Variants in OPA1 observed in about 807,000 individuals in gnomAD.
OPA1 encodes the protein OPA1 mitochondrial dynamin like GTPase, also known as dynamin-like GTPase OPA1, mitochondrial.
Under a neutral mutation model 152.9 loss-of-function variants are expected in OPA1, and 59 were observed. The observed-to-expected ratio is 0.39, with a 90% CI of 0.31 to 0.48. The LOEUF (loss-of-function observed/expected upper bound fraction) is 0.48, where lower values mean the gene tolerates loss of function less well. Ranked by LOEUF, OPA1 falls within the 20% of genes least tolerant of loss-of-function variation. OPA1 has a pLI of 0.96. For synonymous variants in OPA1, 400 were observed against 389.9 expected, an observed-to-expected ratio of 1.03 and a Z score of -0.31; for missense variants, 1,008 against 1,216.8, an observed-to-expected ratio of 0.83 and a Z score of 2.55.
intron 1 of OPA1, among the ~76,000 whole-genome samples, chr3:193,601,191 A>G (rs1232807145): frequency 6.6e-6 from 1 of 152,136 alleles, no homozygotes; most frequent in Non-Finnish European, 1.5e-5. Flanking sequence ...ATTCCGTACA[A>G]ATGGTACTTC....
intron 29 of OPA1, among the ~76,000 whole-genome samples, chr3:193,684,660 A>C (rs1314345496): frequency 6.6e-6 from 1 of 151,994 alleles, no homozygotes; most frequent in Non-Finnish European, 1.5e-5. Flanking sequence ...CATGTTGGCC[A>C]GGGTGATCTT....
chr3:193,606,821 A>C (rs1356076629), intron 1 of OPA1, among the ~76,000 whole-genome samples: 1 of 152,194 alleles, frequency 6.6e-6, no homozygotes, highest in Admixed American at 6.5e-5. Flanking sequence ...TTCTAGTTCT[A>C]GATCCCTGAG....
At chr3:193,660,079 AT>A (rs1226912043) in intron 25 of OPA1, among the ~76,000 whole-genome samples, 3 of 152,140 alleles carry the variant, frequency 2.0e-5, no homozygotes, top group African/African-American at 7.2e-5. Context: ...AGCCTGGGAG[AT>A]CGAAGCTGCA....
At position 193,668,758 on chromosome 3, in the gene OPA1, G is replaced by T. The variant is rs1469187941; in HGVS notation, c.2983+1478G>T. ...CTTCCCCTTCCCACCCCCCTAGCTT[G>T]GCCCTACTAATAATCACTTTGTCAC... On this transcript the variant is annotated intron_variant, in intron 29 of 30. Coordinates refer to ENST00000361510, the MANE Select transcript of OPA1 (RefSeq NM_130837.3). The T allele has an allele frequency of 4.0e-6, 5 of 1,245,194 alleles. No homozygotes were observed. The Admixed American group carries it at 1.7e-4, about 43-fold the overall frequency. The allele number at this position is 1,245,194 out of a possible 1,614,324, so 77.1% of individuals were successfully genotyped here.
chr3:193,612,972 C>T (rs983396594), intron 1 of OPA1, among the ~76,000 whole-genome samples: 1 of 152,184 alleles, frequency 6.6e-6, no homozygotes, highest in Non-Finnish European at 1.5e-5. Flanking sequence ...GTGAGAGCAA[C>T]GGCCTCAGTG....
chr3:193,656,504 C>T (rs1310128871), intron 22 of OPA1, among the ~76,000 whole-genome samples: 5 of 152,130 alleles, frequency 3.3e-5, no homozygotes, highest in Non-Finnish European at 7.3e-5. Flanking sequence ...GAATACTCTT[C>T]GGCTATGTTT....
chr3:193,608,233 G>A (rs1727605725), intron 1 of OPA1, among the ~76,000 whole-genome samples: 1 of 151,948 alleles, frequency 6.6e-6, no homozygotes, highest in Non-Finnish European at 1.5e-5. Flanking sequence ...TTTATTTCTT[G>A]CCTTCTGCTG....
chr3:193,611,355 T>C, intron 1 of OPA1, among the ~76,000 whole-genome samples: 1 of 152,050 alleles, frequency 6.6e-6, no homozygotes, highest in East Asian at 1.9e-4. Context: ...TCCCAGCACT[T>C]TGGAAGGCCA....
intron 21 of OPA1, among the ~76,000 whole-genome samples, chr3:193,649,106 T>G (rs1027363115): frequency 6.6e-6 from 1 of 152,132 alleles, no homozygotes; most frequent in Non-Finnish European, 1.5e-5. Context: ...TTATACCTAA[T>G]AAATACGTAA....
chr3:193,650,238 C>T (rs758315437), intron 21 of OPA1, among the ~76,000 whole-genome samples: 13 of 152,132 alleles, frequency 8.5e-5, no homozygotes, highest in Non-Finnish European at 1.9e-4. Context: ...CACCAGATTG[C>T]CCATTGAAAA....
intron 29 of OPA1, chr3:193,668,891 A>T (rs1717302028): frequency 9.8e-7 from 1 of 1,020,920 alleles, no homozygotes; most frequent in Admixed American, 5.0e-5. Flanking sequence ...TCAGTGAAAC[A>T]TTATTGTTAT....
intron 22 of OPA1, among the ~76,000 whole-genome samples, chr3:193,655,398 T>C (rs932457302): frequency 6.6e-6 from 1 of 152,236 alleles, no homozygotes; most frequent in African/African-American, 2.4e-5. Context: ...AAATACTTAA[T>C]AGATGAAGCA....
At chr3:193,636,302 G>C (rs1732925907) in intron 9 of OPA1, among the ~76,000 whole-genome samples, 1 of 140,110 alleles carries the variant, frequency 7.1e-6, no homozygotes, top group Admixed American at 7.1e-5. Context: ...ACTGAGAAAA[G>C]TCATTTCCAA....
chr3:193,689,597 A>G (rs1199619114), intron 29 of OPA1, among the ~76,000 whole-genome samples: 1 of 152,152 alleles, frequency 6.6e-6, no homozygotes, highest in Non-Finnish European at 1.5e-5. Flanking sequence ...GGCTCTTGGT[A>G]TCTTTCAATT....
At chr3:193,628,591 GA>G (rs1731553750) in intron 7 of OPA1, 1 of 152,166 alleles carries the variant, frequency 6.6e-6, no homozygotes, top group African/African-American at 2.4e-5. Flanking sequence ...CTGGTTTCAA[GA>G]CCATTGATAT....
chr3:193,661,339 GTTTATATATAGTGT>G (rs1468013706), intron 25 of OPA1, among the ~76,000 whole-genome samples: 7 of 152,112 alleles, frequency 4.6e-5, no homozygotes, highest in Non-Finnish European at 8.8e-5. Flanking sequence ...CCGGGGAGGT[GTTTATATATAGTGT>G]TTTGTTTTTT....
intron 29 of OPA1, among the ~76,000 whole-genome samples, chr3:193,690,298 T>A: frequency 1.3e-5 from 1 of 75,624 alleles, no homozygotes; most frequent in Non-Finnish European, 2.5e-5. Flanking sequence ...TTAAAACAAC[T>A]GGACTCCCCC....
intron 5 of OPA1, 196 bp from the exon 6 acceptor site, chr3:193,618,673 T>C (rs1729471980): frequency 1.8e-6 from 1 of 566,350 alleles, no homozygotes; most frequent in Non-Finnish European, 3.1e-6. Flanking sequence ...GCGATTGCTA[T>C]AGTTAGTTTT....
At chr3:193,664,638 G>A (rs926472224) in intron 26 of OPA1, among the ~76,000 whole-genome samples, 1 of 151,742 alleles carries the variant, frequency 6.6e-6, no homozygotes, top group Admixed American at 6.6e-5. Context: ...AACAGCATTT[G>A]TTTAAATCAT....
Sources: allele counts gnomAD v4.1 joint callset (sites outside exome capture counted in the v4.1 genomes callset), GRCh38; gene constraint gnomAD v4.1.1; transcripts MANE v1.5; gene names NCBI Gene and HGNC (gene_info 2026-07-23, HGNC 2026-07-21).